The following ROBO2 variants were observed in gnomAD, a reference collection of about 807,000 sequenced individuals.
The protein encoded by ROBO2 is roundabout homolog 2.
A neutral mutation model predicts 160.8 loss-of-function variants in ROBO2; 53 were observed. That is an observed-to-expected ratio of 0.33 (90% CI 0.26 to 0.41). The LOEUF (loss-of-function observed/expected upper bound fraction) is 0.41. Among genes scored for constraint, ROBO2 ranks in the 10% least tolerant of loss-of-function variants. The pLI, the probability that ROBO2 is intolerant of heterozygous loss-of-function variation, is 1.00. For synonymous variants in ROBO2, 664 were observed against 611.7 expected, an observed-to-expected ratio of 1.09 and a Z score of -1.26; for missense variants, 1,577 against 1,722.4, an observed-to-expected ratio of 0.92 and a Z score of 1.49.
At chr3:76,424,724 T>TA (rs2076140923) in intron 2 of ROBO2, among the ~76,000 whole-genome samples, 1 of 152,164 alleles carries the variant, frequency 6.6e-6, no homozygotes, top group African/African-American at 2.4e-5. Flanking sequence ...TGGATACAGT[T>TA]ATGCGTCGAA....
At position 77,425,824 on chromosome 3, in the gene ROBO2, C is replaced by T. The variant is rs11127594; in HGVS notation, c.389-51590C>T. Reference sequence around the variant, plus strand: ...AATTACAGGCATTCGACACTACACCCAGCTAATTTTTGTATTTTAGTAGAG... The same window carrying T: ...AATTACAGGCATTCGACACTACACCTAGCTAATTTTTGTATTTTAGTAGAG... On this transcript the variant is annotated intron_variant, in intron 2 of 25. Coordinates refer to ENST00000461745, the Ensembl canonical transcript of ROBO2. Among the ~76,000 whole-genome samples the T allele has an allele frequency of 3.8e-3, 581 of 151,958 alleles. 3 individuals carry two copies. Among genetic ancestry groups the T allele is most frequent in the Middle Eastern group, 0.02 (6 of 294 alleles).
intron 2 of ROBO2, among the ~76,000 whole-genome samples, chr3:76,485,557 C>T (rs1274736762): frequency 6.6e-6 from 1 of 152,152 alleles, no homozygotes; most frequent in African/African-American, 2.4e-5. Flanking sequence ...GCTATATACT[C>T]ATAGCTCCCT....
At chr3:76,213,863 A>C (rs184663607) in intron 2 of ROBO2, among the ~76,000 whole-genome samples, 1 of 152,110 alleles carries the variant, frequency 6.6e-6, no homozygotes, top group East Asian at 1.9e-4. Context: ...ATGCCACCTG[A>C]ATTTATCAAG....
At chr3:76,143,741 A>C (rs370827595) in intron 2 of ROBO2, among the ~76,000 whole-genome samples, 1 of 152,178 alleles carries the variant, frequency 6.6e-6, no homozygotes, top group East Asian at 1.9e-4. Context: ...ATGGATTATC[A>C]ATACATTTTA....
At chr3:76,304,147 T>C (rs960434453) in intron 2 of ROBO2, among the ~76,000 whole-genome samples, 3 of 152,302 alleles carry the variant, frequency 2.0e-5, no homozygotes, top group South Asian at 4.1e-4. Context: ...TATTTTACCT[T>C]GGAAACAAAA....
At chr3:76,434,377 G>T (rs1382915328) in intron 2 of ROBO2, 12 of 1,545,816 alleles carry the variant, frequency 7.8e-6, no homozygotes, top group Non-Finnish European at 8.9e-7. Context: ...GCAGCAAGTT[G>T]TTTAATCACC....
chr3:76,755,012 T>C (rs954560397), intron 2 of ROBO2, among the ~76,000 whole-genome samples: 1 of 152,010 alleles, frequency 6.6e-6, no homozygotes, highest in African/African-American at 2.4e-5. Flanking sequence ...ACCTACACAT[T>C]ATAAACTTTT....
intron 6 of ROBO2, among the ~76,000 whole-genome samples, chr3:77,524,841 TAC>T (rs2090975755): frequency 1.3e-5 from 2 of 151,282 alleles, no homozygotes; most frequent in South Asian, 4.1e-4. Context: ...CTAATCTGTA[TAC>T]TGTAGATGGA....
At chr3:77,510,838 C>T (rs935532423) in intron 5 of ROBO2, among the ~76,000 whole-genome samples, 1 of 151,998 alleles carries the variant, frequency 6.6e-6, no homozygotes, top group Non-Finnish European at 1.5e-5. Context: ...ATGTCAGACA[C>T]GGAGTAATTG....
At chr3:77,357,210 A>G (rs561102467) in intron 2 of ROBO2, among the ~76,000 whole-genome samples, 24 of 152,282 alleles carry the variant, frequency 1.6e-4, no homozygotes, top group African/African-American at 5.5e-4. Flanking sequence ...TTAATCCCCA[A>G]TGCAACAGTG....
chr3:76,127,412 C>T (rs1387171459), intron 2 of ROBO2, among the ~76,000 whole-genome samples: 1 of 151,926 alleles, frequency 6.6e-6, no homozygotes, highest in African/African-American at 2.4e-5. Context: ...AATGGCATCA[C>T]TGAAAGCAAA....
chr3:76,030,058 C>T (rs1197203466), intron 2 of ROBO2, among the ~76,000 whole-genome samples: 3 of 152,162 alleles, frequency 2.0e-5, no homozygotes, highest in Admixed American at 6.5e-5. Flanking sequence ...GATTGCCATT[C>T]TAACTGGTGT....
chr3:76,567,648 T>TAG (rs1236967419), intron 2 of ROBO2, among the ~76,000 whole-genome samples: 2 of 86,114 alleles, frequency 2.3e-5, no homozygotes, highest in East Asian at 5.4e-4. Flanking sequence ...TATATATATA[T>TAG]ATATACACAT....
chr3:77,225,377 T>C (rs1463474011), intron 2 of ROBO2, among the ~76,000 whole-genome samples: 1 of 151,918 alleles, frequency 6.6e-6, no homozygotes, highest in Non-Finnish European at 1.5e-5. Flanking sequence ...CAACTTTGCG[T>C]AATATAGAAT....
rs2069216074 is a variant in ROBO2 at position 76,850,342 on chromosome 3, C to A, written c.110-247672C>A. On this transcript the variant is annotated intron_variant, in intron 2 of 26. Transcript: ENST00000487694. ...TAATTAAGCAGTGATTATAGCTTAA[C>A]CCTGCGCTGAGTACTTACAACAGAA... 2.6e-5 allele frequency among the ~76,000 whole-genome samples: 4 copies of A among 152,060 alleles called. No homozygotes were observed. In the South Asian group the frequency reaches 8.3e-4, roughly 32 times the overall value.
chr3:77,059,533 G>T (rs1023884953), intron 1 of ROBO2, among the ~76,000 whole-genome samples: 1 of 152,184 alleles, frequency 6.6e-6, no homozygotes, highest in African/African-American at 2.4e-5. Flanking sequence ...ACAGTGGAAA[G>T]ACCCTATTTA....
intron 2 of ROBO2, among the ~76,000 whole-genome samples, chr3:76,109,460 C>T (rs6774553): frequency 0.17 from 26,221 of 151,882 alleles, 2,593 homozygotes; most frequent in African/African-American, 0.27. Context: ...ATATGCACGG[C>T]AAAGCAGGCA....
chr3:76,918,304 T>A (rs1023872968), intron 2 of ROBO2, among the ~76,000 whole-genome samples: 6 of 152,132 alleles, frequency 3.9e-5, no homozygotes, highest in Admixed American at 6.6e-5. Context: ...CTCTGGCATT[T>A]CCCCTCTTTG....
intron 5 of ROBO2, among the ~76,000 whole-genome samples, chr3:77,510,521 C>G (rs77934778): frequency 0.023 from 3,495 of 152,074 alleles, 132 homozygotes; most frequent in African/African-American, 0.078. Context: ...ACAATAATAT[C>G]ACTGGAGGAG....
Sources: allele counts gnomAD v4.1 joint callset (sites outside exome capture counted in the v4.1 genomes callset), GRCh38; gene constraint gnomAD v4.1.1; transcripts MANE v1.5; gene names NCBI Gene and HGNC (gene_info 2026-07-23, HGNC 2026-07-21).